The following NRXN1 variants were observed in gnomAD, a reference collection of about 807,000 sequenced individuals.
NRXN1 encodes neurexin-1.
In NRXN1, 39 loss-of-function variants were observed where a neutral mutation model predicts 150.9. The observed-to-expected ratio is 0.26, with a 90% CI of 0.20 to 0.34. The LOEUF (loss-of-function observed/expected upper bound fraction) is 0.34, where lower values mean the gene tolerates loss of function less well. Ranked by LOEUF, NRXN1 falls within the 10% of genes least tolerant of loss-of-function variation. NRXN1 has a pLI of 1.00. For missense variants in NRXN1, 1,815 were observed against 1,949.9 expected (o/e 0.93, Z 1.30); for synonymous variants, 924 against 757.0 (o/e 1.22, Z -3.62).
intron 5 of NRXN1, among the ~76,000 whole-genome samples, chr2:50,915,160 A>G (rs1216086948): frequency 1.3e-5 from 2 of 151,630 alleles, no homozygotes; most frequent in Non-Finnish European, 3.0e-5. Flanking sequence ...ATACTAGCCA[A>G]TTATTTAACT....
intron 5 of NRXN1, among the ~76,000 whole-genome samples, chr2:50,713,396 C>T (rs1469410677): frequency 6.6e-6 from 1 of 151,850 alleles, no homozygotes; most frequent in Non-Finnish European, 1.5e-5. Context: ...TATCTTTACA[C>T]AGGGCAAATT....
chr2:50,189,524 A>G (rs1156645920), intron 18 of NRXN1, among the ~76,000 whole-genome samples: 2 of 152,232 alleles, frequency 1.3e-5, no homozygotes, highest in African/African-American at 4.8e-5. Context: ...TAATTAAAAA[A>G]GTGGTAAAAT....
chr2:50,919,949 T>C, intron 5 of NRXN1: 1 of 342,940 alleles, frequency 2.9e-6, no homozygotes, highest in Non-Finnish European at 6.5e-6. Context: ...ACTCTGTGGA[T>C]GCCATGTCAT....
intron 8 of NRXN1, among the ~76,000 whole-genome samples, chr2:50,585,884 T>C (rs1321223750): frequency 6.6e-6 from 1 of 152,174 alleles, no homozygotes; most frequent in Non-Finnish European, 1.5e-5. Context: ...AGTGCCAGCC[T>C]CCTAAGAGGG....
At chr2:50,263,276 T>G (rs543519887) in intron 17 of NRXN1, among the ~76,000 whole-genome samples, 7 of 152,004 alleles carry the variant, frequency 4.6e-5, no homozygotes, top group Admixed American at 1.3e-4. Context: ...TGTTATTTAT[T>G]CCTCAGATTT....
At chr2:50,742,816 T>C (rs1382161741) in intron 5 of NRXN1, among the ~76,000 whole-genome samples, 2 of 152,154 alleles carry the variant, frequency 1.3e-5, no homozygotes, top group Non-Finnish European at 2.9e-5. Flanking sequence ...CTCAGTCATA[T>C]AGACAATAAC....
In NRXN1 at chr2:50,560,428, A is replaced by G. The variant is rs28409336; in HGVS notation, c.1321-7403T>C. Among the ~76,000 whole-genome samples, 73 of 45,414 alleles carry G rather than the reference A, an allele frequency of 1.6e-3. 1 individual carries two copies. Among genetic ancestry groups the G allele is most frequent in the East Asian group, 0.015 (12 of 796 alleles). 29.8% of individuals were successfully genotyped at this position (45,414 alleles called of 152,430 possible). On this transcript the variant is annotated intron_variant, in intron 8 of 22. Coordinates refer to ENST00000401669, the MANE Select transcript of NRXN1 (RefSeq NM_001330078.2). ...GTACAAAGTAGTCTGATGTATGTTT[A>G]TTTATTTATTTATTTATTTATTTAT...
intron 17 of NRXN1, among the ~76,000 whole-genome samples, chr2:50,456,345 T>G (rs1032849013): frequency 1.1e-4 from 16 of 152,208 alleles, no homozygotes; most frequent in East Asian, 9.7e-4. Context: ...TTTAGATCAT[T>G]AGGGTCATTA....
chr2:50,644,346 T>A (rs909002838), intron 5 of NRXN1, among the ~76,000 whole-genome samples: 1 of 151,826 alleles, frequency 6.6e-6, no homozygotes, highest in African/African-American at 2.4e-5. Flanking sequence ...ATAGCTTGTT[T>A]CCACCAGATA....
At chr2:50,487,024 A>G (rs2090922359) in intron 15 of NRXN1, among the ~76,000 whole-genome samples, 1 of 152,182 alleles carries the variant, frequency 6.6e-6, no homozygotes, top group South Asian at 2.1e-4. Context: ...TAGTATTACT[A>G]TCATTATTGT....
rs374506751 is a variant in NRXN1 at position 50,860,664 on chromosome 2, G to T, written c.832+61205C>A. ...TCCTAGAAAGCCACACAGGAGTTTA[G>T]TTTGGATGCATGGGCAAGTCATGCA... On this transcript the variant is annotated intron_variant, in intron 5 of 22. Coordinates refer to ENST00000401669, the MANE Select transcript of NRXN1 (RefSeq NM_001330078.2). Among the ~76,000 whole-genome samples, 12 of 152,070 alleles carry T rather than the reference G, an allele frequency of 7.9e-5. No homozygotes were observed. In the East Asian group the frequency reaches 1.2e-3, roughly 15 times the overall value.
chr2:50,893,819 T>G (rs139323509), intron 5 of NRXN1, among the ~76,000 whole-genome samples: 2,043 of 152,292 alleles, frequency 0.013, 146 homozygotes, highest in Admixed American at 0.12. Flanking sequence ...TGACTCATTG[T>G]TCAATTTCCA....
intron 18 of NRXN1, among the ~76,000 whole-genome samples, chr2:50,234,510 A>T (rs988143063): frequency 6.6e-6 from 1 of 152,124 alleles, no homozygotes; most frequent in Non-Finnish European, 1.5e-5. Context: ...CGACAACAAC[A>T]ACAACAACAT....
intron 18 of NRXN1, among the ~76,000 whole-genome samples, chr2:50,158,092 T>C (rs1300588602): frequency 6.6e-6 from 1 of 150,728 alleles, no homozygotes; most frequent in Non-Finnish European, 1.5e-5. Flanking sequence ...TGTGTGTGTG[T>C]GTGTGTGTGT....
chr2:50,798,647 A>C (rs973144857), intron 5 of NRXN1, among the ~76,000 whole-genome samples: 1 of 152,188 alleles, frequency 6.6e-6, no homozygotes, highest in Admixed American at 6.6e-5. Context: ...ACGCTGATTG[A>C]TATTTCTGTA....
At chr2:50,541,808 T>G (rs2093396338) in intron 9 of NRXN1, among the ~76,000 whole-genome samples, 1 of 150,980 alleles carries the variant, frequency 6.6e-6, no homozygotes, top group Non-Finnish European at 1.5e-5. Flanking sequence ...CATCATATCA[T>G]TTTATTAAAA....
intron 18 of NRXN1, among the ~76,000 whole-genome samples, chr2:50,120,240 A>G (rs949287250): frequency 6.6e-6 from 1 of 151,876 alleles, no homozygotes; most frequent in Non-Finnish European, 1.5e-5. Flanking sequence ...AATTTTAAAA[A>G]ATGGTACTAT....
chr2:49,969,538 C>T (rs1677574253), intron 21 of NRXN1: 1 of 148,580 alleles, frequency 6.7e-6, no homozygotes. Context: ...TATGTAATTA[C>T]ACCTTATTAT....
At chr2:50,190,816 T>C (rs564188672) in intron 18 of NRXN1, among the ~76,000 whole-genome samples, 1 of 151,958 alleles carries the variant, frequency 6.6e-6, no homozygotes, top group Non-Finnish European at 1.5e-5. Context: ...TTTTTCCATG[T>C]TGGTCAGGCT....
Sources: allele counts gnomAD v4.1 joint callset (sites outside exome capture counted in the v4.1 genomes callset), GRCh38; gene constraint gnomAD v4.1.1; transcripts MANE v1.5; gene names NCBI Gene and HGNC (gene_info 2026-07-23, HGNC 2026-07-21).